The following RABGEF1 variants were observed in gnomAD, a reference collection of about 807,000 sequenced individuals.
RABGEF1 encodes the protein rab5 GDP/GTP exchange factor.
A neutral mutation model predicts 57.3 loss-of-function variants in RABGEF1; 26 were observed. The observed-to-expected ratio is 0.45, with a 90% CI of 0.33 to 0.63. The LOEUF (loss-of-function observed/expected upper bound fraction) is 0.63, where lower values mean the gene tolerates loss of function less well. Among genes scored for constraint, RABGEF1 ranks in the 20% least tolerant of loss-of-function variants. The pLI is 0.02. For synonymous variants in RABGEF1, 185 were observed against 210.7 expected (o/e 0.88, Z 1.06); for missense variants, 464 against 607.6 (o/e 0.76, Z 2.48).
At chr7:66,796,629 G>C (rs1475072765) in intron 5 of RABGEF1, 1 of 220,460 alleles carries the variant, frequency 4.5e-6, no homozygotes, top group Admixed American at 5.7e-5. Context: ...ATATCACTCT[G>C]TCGTCCAAGC....
At position 66,775,334 on chromosome 7, in the gene RABGEF1, G is replaced by A. The variant is rs761200639; in HGVS notation, c.287G>A (p.Arg96His). 5 of 1,613,926 alleles carry A rather than the reference G, an allele frequency of 3.1e-6. No individual in the cohort carries two copies. Among genetic ancestry groups the A allele is most frequent in the Non-Finnish European group, 4.2e-6 (5 of 1,179,854 alleles). Reference protein sequence around the residue: ...FEEKKTNEKTRKVTTVKKFFS... With the variant: ...FEEKKTNEKTHKVTTVKKFFS... Reference sequence around the variant, plus strand: ...GAAAAGAAAACCAACGAGAAGACCCGCAAGGTTACCACAGTGAAGAAATTC... The same window carrying A: ...GAAAAGAAAACCAACGAGAAGACCCACAAGGTTACCACAGTGAAGAAATTC... The change falls in exon 3 of 9, where the codon CGC becomes CAC. Residue 96 changes from arginine (R) to histidine (H), a missense_variant. Arg to His is a conservative substitution (Grantham distance 29). This residue lies in a region of RABGEF1 where 284 missense variants were observed against 389.9 expected (regional missense o/e 0.73). Coordinates refer to ENST00000284957, the MANE Select transcript of RABGEF1 (RefSeq NM_014504.3).
At chr7:66,804,639 G>A (rs1788019221) in intron 7 of RABGEF1, among the ~76,000 whole-genome samples, 1 of 151,816 alleles carries the variant, frequency 6.6e-6, no homozygotes, top group Non-Finnish European at 1.5e-5. Flanking sequence ...AAAGGCTGAG[G>A]CAAGAGAATC....
At chr7:66,690,100 C>CTTT (rs892888858) in intron 1 of RABGEF1, among the ~76,000 whole-genome samples, 26 of 124,196 alleles carry the variant, frequency 2.1e-4, no homozygotes, top group Non-Finnish European at 2.9e-4. Flanking sequence ...ATAAAAAATT[C>CTTT]TTTTTTTTTT....
At chr7:66,738,444 C>G (rs911950068), upstream of RABGEF1, among the ~76,000 whole-genome samples, 2 of 152,070 alleles carry the variant, frequency 1.3e-5, no homozygotes, top group African/African-American at 4.8e-5. Flanking sequence ...AACACTCATT[C>G]TGGGCCCAGG....
chr7:66,751,150 C>T (rs1464396554), intron 1 of RABGEF1, among the ~76,000 whole-genome samples: 2 of 152,074 alleles, frequency 1.3e-5, no homozygotes, highest in African/African-American at 4.8e-5. Flanking sequence ...CCTGCCTCAG[C>T]CTCCTGAGTA....
intron 6 of RABGEF1, among the ~76,000 whole-genome samples, chr7:66,798,166 G>T (rs1024607516): frequency 1.3e-5 from 2 of 152,110 alleles, no homozygotes; most frequent in African/African-American, 4.8e-5. Flanking sequence ...CCTCCCAGGG[G>T]TGTGCATTTT....
chr7:66,774,505 A>AGT (rs1808031237), intron 2 of RABGEF1, among the ~76,000 whole-genome samples: 1 of 152,196 alleles, frequency 6.6e-6, no homozygotes, highest in Non-Finnish European at 1.5e-5. Context: ...TCACACGCCC[A>AGT]GTGCTCTGGC....
intron 7 of RABGEF1, among the ~76,000 whole-genome samples, chr7:66,800,039 A>C (rs577255332): frequency 6.6e-6 from 1 of 152,358 alleles, no homozygotes; most frequent in South Asian, 2.1e-4. Context: ...ACAAAAAAAA[A>C]TCTTAATGGA....
At chr7:66,703,606 A>G (rs1793608190) in intron 1 of RABGEF1, among the ~76,000 whole-genome samples, 1 of 152,202 alleles carries the variant, frequency 6.6e-6, no homozygotes, top group Non-Finnish European at 1.5e-5. Flanking sequence ...ATCAGTTGAC[A>G]ATAGATGTAT....
At chr7:66,691,233 A>G (rs2117125281) in intron 1 of RABGEF1, among the ~76,000 whole-genome samples, 1 of 152,340 alleles carries the variant, frequency 6.6e-6, no homozygotes. Flanking sequence ...AGTTAGTTGT[A>G]CACCTCCCAT....
chr7:66,662,880 G>C, the RABGEF1 span, among the ~76,000 whole-genome samples: 1 of 151,852 alleles, frequency 6.6e-6, no homozygotes, highest in African/African-American at 2.4e-5. Flanking sequence ...CGTGTGTACA[G>C]GCATGTGTGT....
At chr7:66,710,247 GATTGGATATA>G in intron 1 of RABGEF1, among the ~76,000 whole-genome samples, 1 of 152,110 alleles carries the variant, frequency 6.6e-6, no homozygotes, top group Non-Finnish European at 1.5e-5. Context: ...TTACCCCATT[GATTGGATATA>G]CCACAATTTT....
At chr7:66,684,403 A>G (rs751656418) in intron 1 of RABGEF1, among the ~76,000 whole-genome samples, 5 of 152,204 alleles carry the variant, frequency 3.3e-5, no homozygotes, top group African/African-American at 1.2e-4. Context: ...AGGTTGCACC[A>G]GTGCACTCCA....
the RABGEF1 span, among the ~76,000 whole-genome samples, chr7:66,667,994 C>T: frequency 6.6e-6 from 1 of 152,070 alleles, no homozygotes; most frequent in Non-Finnish European, 1.5e-5. Flanking sequence ...GACAGGGTTT[C>T]ACCATGTTGG....
chr7:66,751,814 C>G (rs1398012986), intron 1 of RABGEF1, among the ~76,000 whole-genome samples: 1 of 152,156 alleles, frequency 6.6e-6, no homozygotes, highest in African/African-American at 2.4e-5. Flanking sequence ...CCCTGTGTGG[C>G]TATAGAATTT....
At chr7:66,699,294 C>T (rs556134931) in intron 1 of RABGEF1, among the ~76,000 whole-genome samples, 62 of 152,318 alleles carry the variant, frequency 4.1e-4, no homozygotes, top group Non-Finnish European at 5.0e-4. Flanking sequence ...TTCCCCTAGA[C>T]CGGGAGACAA....
intron 8 of RABGEF1, 63 bp downstream of exon 8, chr7:66,805,459 G>A: frequency 6.3e-7 from 1 of 1,595,676 alleles, no homozygotes. Context: ...TTGGGGATGT[G>A]ACAGGTCACT....
intron 1 of RABGEF1, among the ~76,000 whole-genome samples, chr7:66,701,249 C>T (rs534542119): frequency 3.0e-4 from 45 of 152,280 alleles, no homozygotes; most frequent in African/African-American, 1.0e-3. Context: ...CTGTAATCTC[C>T]ACGCTTTCAG....
intron 1 of RABGEF1, among the ~76,000 whole-genome samples, chr7:66,686,663 T>C (rs1389475062): frequency 6.6e-6 from 1 of 152,142 alleles, no homozygotes; most frequent in African/African-American, 2.4e-5. Context: ...TTAACTTATG[T>C]TTATTTGTTT....
Sources: gnomAD v4.1 joint callset for allele counts (sites outside exome capture counted in the v4.1 genomes callset) on GRCh38, gnomAD v4.1.1 for gene constraint, gnomAD v4.1.1 regional missense constraint, MANE v1.5 for transcripts, NCBI Gene and HGNC (gene_info 2026-07-23, HGNC 2026-07-21) for gene names.